Variants in SSUH2 observed in about 807,000 individuals in gnomAD.
SSUH2 encodes the protein ssu-2 homolog, also known as protein SSUH2 homolog.
Under a neutral mutation model 55.3 loss-of-function variants are expected in SSUH2, and 47 were observed. That is an observed-to-expected ratio of 0.85 (90% CI 0.67 to 1.08). The LOEUF (loss-of-function observed/expected upper bound fraction) is 1.08, where lower values mean the gene tolerates loss of function less well. Ranked by LOEUF, SSUH2 falls within the 50% of genes least tolerant of loss-of-function variation. The pLI, the probability that SSUH2 is intolerant of heterozygous loss-of-function variation, is 0.00. For missense variants in SSUH2, 535 were observed against 490.7 expected (o/e 1.09, Z -0.85); for synonymous variants, 212 against 191.5 (o/e 1.11, Z -0.89).
chr3:8,624,754 C>T (rs1413558329), intron 10 of SSUH2, among the ~76,000 whole-genome samples: 4 of 152,202 alleles, frequency 2.6e-5, no homozygotes, highest in African/African-American at 4.8e-5. Flanking sequence ...AAAGCTTTAT[C>T]GACAAAGGCA....
intron 6 of SSUH2, 148 bp downstream of exon 6, chr3:8,630,657 A>G (rs1698573025): frequency 2.7e-6 from 2 of 730,912 alleles, no homozygotes; most frequent in African/African-American, 3.7e-5. Context: ...AGGTTTTATT[A>G]AATTACGTTT....
In SSUH2 at chr3:8,623,667, G is replaced by C; in HGVS notation, c.874-11C>G. ...CACGATGGGGTACACCTGGGGGAAA[G>C]AGAGAGAGACACAGACCACCTGGCT... On this transcript the variant is annotated splice_polypyrimidine_tract_variant and intron_variant, in intron 10 of 11. Transcript: ENST00000544814. 7.1e-7 allele frequency: 1 copy of C among 1,412,482 alleles called. No homozygotes were observed. The highest frequency in any genetic ancestry group is 1.8e-4 in the Middle Eastern group (1 of 5,614). 87.5% of individuals were successfully genotyped at this position (1,412,482 alleles called of 1,614,324 possible). A position where few individuals can be genotyped will look rare whatever the true frequency, so the allele number is the denominator to read the frequency against.
Position 8,623,795 on chromosome 3 carries a change from A to G in SSUH2, c.874-139T>C, listed in dbSNP as rs35056661. The G allele has an allele frequency of 5.0e-3, 2,833 of 571,096 alleles. 11 individuals are homozygous for G. Among genetic ancestry groups the G allele is most frequent in the Non-Finnish European group, 6.5e-3 (2,077 of 318,350 alleles). 35.4% of individuals were successfully genotyped at this position (571,096 alleles called of 1,614,324 possible). The stretch of plus-strand genomic sequence containing the variant: ...AGGGACCCACGGTGTGGTCTCAGGA[A>G]TTTCAAAAACAGGAAAACAGGGGGC... On this transcript the variant is annotated intron_variant, in intron 10 of 11. Coordinates refer to ENST00000544814, the MANE Select transcript of SSUH2 (RefSeq NM_001256748.3).
At chr3:8,630,736 AC>A in intron 6 of SSUH2, 68 bp downstream of exon 6, 1 of 1,311,520 alleles carries the variant, frequency 7.6e-7, no homozygotes. Flanking sequence ...GTTTGAGGAA[AC>A]ATGCAGTGCC....
At chr3:8,641,048 C>T (rs1700744941) in intron 1 of SSUH2, among the ~76,000 whole-genome samples, 1 of 152,178 alleles carries the variant, frequency 6.6e-6, no homozygotes, top group Non-Finnish European at 1.5e-5. Context: ...ACACCCTGTG[C>T]CATTTCCCCA....
intron 8 of SSUH2, chr3:8,627,250 A>G (rs1697784273): frequency 6.3e-6 from 1 of 157,658 alleles, no homozygotes; most frequent in Non-Finnish European, 1.4e-5. Flanking sequence ...AATTTTGTTT[A>G]TTGTTTAGTC....
chr3:8,628,967 T>G (rs1353211403), intron 7 of SSUH2, among the ~76,000 whole-genome samples: 1 of 152,226 alleles, frequency 6.6e-6, no homozygotes, highest in Non-Finnish European at 1.5e-5. Context: ...GCCTGTCTCC[T>G]GCCTCAGCCT....
intron 1 of SSUH2, among the ~76,000 whole-genome samples, chr3:8,680,750 T>A (rs1184781107): frequency 6.6e-5 from 10 of 152,008 alleles, no homozygotes; most frequent in African/African-American, 2.2e-4. Flanking sequence ...CACAGGGGTG[T>A]ATACTTACTG....
upstream of SSUH2, among the ~76,000 whole-genome samples, chr3:8,646,804 A>G (rs1049153887): frequency 2.6e-5 from 4 of 152,220 alleles, no homozygotes; most frequent in African/African-American, 7.2e-5. Flanking sequence ...TTACTATCAA[A>G]GGAGGTTGGG....
intron 8 of SSUH2, chr3:8,627,470 C>T: frequency 2.5e-6 from 1 of 399,822 alleles, no homozygotes; most frequent in Non-Finnish European, 4.5e-6. Context: ...TTTCTTCACA[C>T]TCTTTCCACA....
chr3:8,644,664 T>G, intron 1 of SSUH2, 67 bp downstream of exon 1: 1 of 1,368,628 alleles, frequency 7.3e-7, no homozygotes, highest in Non-Finnish European at 1.0e-6. Flanking sequence ...TCAGATTAGG[T>G]CCTCTTCAAA....
intron 8 of SSUH2, 131 bp from the exon 9 acceptor site, chr3:8,626,452 A>C: frequency 4.7e-6 from 3 of 644,898 alleles, no homozygotes; most frequent in African/African-American, 1.8e-5. Context: ...CCTGCCCACC[A>C]CCTAGTCCTC....
At chr3:8,678,180 A>T (rs556514734) in intron 2 of SSUH2, among the ~76,000 whole-genome samples, 43 of 152,084 alleles carry the variant, frequency 2.8e-4, no homozygotes, top group Admixed American at 1.4e-3. Flanking sequence ...GCCATACATG[A>T]AGTCATATCA....
intron 2 of SSUH2, among the ~76,000 whole-genome samples, chr3:8,679,529 G>T (rs1224328471): frequency 6.7e-6 from 1 of 148,376 alleles, no homozygotes; most frequent in African/African-American, 2.5e-5. Context: ...CGCAGGTAGG[G>T]GAGGCACCCT....
Position 8,623,660 on chromosome 3 carries a change from G to C in SSUH2, c.874-4C>G. Reference sequence around the variant, plus strand: ...GGAAGTCCACGATGGGGTACACCTGGGGGAAAGAGAGAGAGACACAGACCA... The same window carrying C: ...GGAAGTCCACGATGGGGTACACCTGCGGGAAAGAGAGAGAGACACAGACCA... On this transcript the variant is annotated splice_region_variant and splice_polypyrimidine_tract_variant and intron_variant, in intron 10 of 11. Transcript: ENST00000544814. 1 of 1,483,130 alleles carries C rather than the reference G, an allele frequency of 6.7e-7. No homozygotes were observed. Among genetic ancestry groups the C allele is most frequent in the Non-Finnish European group, 9.2e-7 (1 of 1,092,820 alleles). 91.9% of individuals were successfully genotyped at this position (1,483,130 alleles called of 1,614,324 possible).
chr3:8,642,913 C>T (rs529058719), intron 1 of SSUH2, among the ~76,000 whole-genome samples: 73 of 152,254 alleles, frequency 4.8e-4, no homozygotes, highest in Admixed American at 1.1e-3. Context: ...CTATACCTTG[C>T]AGTGAACCCC....
At chr3:8,630,233 T>C (rs530212882) in intron 6 of SSUH2, among the ~76,000 whole-genome samples, 3 of 152,298 alleles carry the variant, frequency 2.0e-5, no homozygotes, top group African/African-American at 7.2e-5. Flanking sequence ...TAAAAACTCA[T>C]AGAGCAAAAT....
intron 3 of SSUH2, among the ~76,000 whole-genome samples, chr3:8,673,381 G>T (rs557968296): frequency 2.0e-5 from 3 of 151,938 alleles, no homozygotes; most frequent in Non-Finnish European, 4.4e-5. Flanking sequence ...GCTCGTTTAC[G>T]ATGCAAAACG....
intron 6 of SSUH2, among the ~76,000 whole-genome samples, chr3:8,660,265 G>A (rs1416810375): frequency 6.6e-6 from 1 of 152,166 alleles, no homozygotes; most frequent in Non-Finnish European, 1.5e-5. Context: ...ACCCCCTTGA[G>A]GGCACAGTGA....
Sources: allele counts gnomAD v4.1 joint callset (sites outside exome capture counted in the v4.1 genomes callset), GRCh38; gene constraint gnomAD v4.1.1; transcripts MANE v1.5; gene names NCBI Gene and HGNC (gene_info 2026-07-23, HGNC 2026-07-21).